The following GDF3 variants were observed in gnomAD, a reference collection of about 807,000 sequenced individuals.
GDF3 encodes the protein growth differentiation factor 3.
A neutral mutation model predicts 10.2 loss-of-function variants in GDF3; 10 were observed. That is an observed-to-expected ratio of 0.98 (90% CI 0.60 to 1.66). The LOEUF (loss-of-function observed/expected upper bound fraction) is 1.66, where lower values mean the gene tolerates loss of function less well. Ranked by LOEUF, GDF3 falls within the 40% of genes most tolerant of loss-of-function variation. GDF3 has a pLI of 0.00. For synonymous variants in GDF3, 166 were observed against 178.5 expected, an observed-to-expected ratio of 0.93 and a Z score of 0.56; for missense variants, 450 against 438.3, an observed-to-expected ratio of 1.03 and a Z score of -0.24.
intron 1 of GDF3, among the ~76,000 whole-genome samples, chr12:7,691,104 C>G (rs1256096786): frequency 6.7e-6 from 1 of 149,784 alleles, no homozygotes. Flanking sequence ...GAGCCGAGAT[C>G]GCGCCATTGC....
chr12:7,694,609 A>T (rs1275269941), intron 1 of GDF3, among the ~76,000 whole-genome samples: 3 of 147,438 alleles, frequency 2.0e-5, no homozygotes, highest in African/African-American at 7.4e-5. Flanking sequence ...TTTATCTTGT[A>T]TTCTCAAGGC....
At chr12:7,690,765 A>G in intron 1 of GDF3, 61 bp from the exon 2 acceptor site, 2 of 943,334 alleles carry the variant, frequency 2.1e-6, no homozygotes, top group Non-Finnish European at 3.5e-6. Flanking sequence ...ATCCACCTAT[A>G]TAATAGAAAT....
chr12:7,691,487 G>T (rs1318958444), intron 1 of GDF3, among the ~76,000 whole-genome samples: 1 of 147,094 alleles, frequency 6.8e-6, no homozygotes. Context: ...TGGGAGATTT[G>T]CTTGAGGCCA....
rs768190600 is a variant in GDF3, at chr12:7,690,124, A to C, written c.849T>G (p.Ile283Met). The change falls in exon 2 of 2, where the codon ATT (isoleucine) becomes ATG (methionine). Residue 283 changes from isoleucine to methionine, a missense_variant. Ile to Met is a conservative substitution (Grantham distance 10). Transcript: ENST00000329913. ...AATTTGCCATGAACCCCTTGGGGGC[A>C]ATGATCCACTTGTGCCAACCCAGGT... is the stretch of plus-strand genomic sequence containing the variant. ...FRDLGWHKWI[I>M]APKGFMANYC... 1.2e-6 allele frequency: 2 copies of C among 1,614,098 alleles called. No homozygotes were observed. Among genetic ancestry groups the C allele is most frequent in the Non-Finnish European group, 1.7e-6 (2 of 1,180,008 alleles).
Position 7,690,576 on chromosome 12 carries a change from G to A in GDF3, c.397C>T (p.Pro133Ser). Residue 133 changes from proline (P) to serine (S), a missense_variant, in exon 2 of 2, where the codon CCC becomes TCC. Coordinates refer to ENST00000329913, the MANE Select transcript of GDF3 (RefSeq NM_020634.3). ...GGTCCCAGGTTATAGTAAGAATTGGGCCCCAAGTCCAGGCCCAGCTGGGCC... is the reference window on the plus strand; with the variant it reads ...GGTCCCAGGTTATAGTAAGAATTGGACCCCAAGTCCAGGCCCAGCTGGGCC... ...TLAQLGLDLG[P>S]NSYYNLGPEL... is the part of the protein sequence containing the mutation. 2 of 1,605,316 alleles carry A rather than the reference G, an allele frequency of 1.2e-6. No homozygotes were observed. Among genetic ancestry groups the A allele is most frequent in the Non-Finnish European group, 1.7e-6 (2 of 1,175,754 alleles).
At chr12:7,691,018 C>T (rs1005252015) in intron 1 of GDF3, among the ~76,000 whole-genome samples, 15 of 151,864 alleles carry the variant, frequency 9.9e-5, no homozygotes, top group South Asian at 2.1e-4. Context: ...GGCGTGGTGG[C>T]GGGCGCCTGT....
In GDF3 at chr12:7,690,553, T is replaced by C. The variant is rs1438692784; in HGVS notation, c.420A>G (p.Gly140=). ...DLGPNSYYNL[G]PELELALFLV... ...GGAACAGAGCCAGTTCCAGCTCTGGTCCCAGGTTATAGTAAGAATTGGGCC... is the reference window on the plus strand; with the variant it reads ...GGAACAGAGCCAGTTCCAGCTCTGGCCCCAGGTTATAGTAAGAATTGGGCC... The change falls in exon 2 of 2, where the codon GGA becomes GGG. Residue 140 remains glycine, a synonymous_variant. Coordinates refer to ENST00000329913, the MANE Select transcript of GDF3 (RefSeq NM_020634.3). 2 of 1,608,252 alleles carry C rather than the reference T, an allele frequency of 1.2e-6. No homozygotes were observed. The highest frequency in any genetic ancestry group is 1.7e-6 in the Non-Finnish European group (2 of 1,176,658).
chr12:7,695,366 C>CA (rs1170702733), intron 1 of GDF3, 95 bp downstream of exon 1: 1 of 1,134,042 alleles, frequency 8.8e-7, no homozygotes, highest in Non-Finnish European at 1.3e-6. Context: ...AATACCAGCA[C>CA]AAGGCCATCA....
Position 7,690,529 on chromosome 12 carries a change from G to A in GDF3, c.444C>T (p.Phe148=), listed in dbSNP as rs1252597994. 4 of 1,611,310 alleles carry A rather than the reference G, an allele frequency of 2.5e-6. No individual in the cohort carries two copies. The highest frequency in any genetic ancestry group is 2.7e-5 in the African/African-American group (2 of 74,910). ...NLGPELELAL[F]LVQEPHVWGQ... is the part of the protein sequence containing the mutation. ...CCCACACATGAGGCTCCTGAACCAG[G>A]AACAGAGCCAGTTCCAGCTCTGGTC... The change falls in exon 2 of 2, where the codon TTC becomes TTT. Residue 148 remains phenylalanine, a synonymous_variant. Transcript: ENST00000329913.
chr12:7,690,062 G>C lies in GDF3; in HGVS notation c.911C>G (p.Ser304Cys). The C allele has an allele frequency of 6.2e-7, 1 of 1,614,182 alleles. No individual in the cohort carries two copies. Among genetic ancestry groups the C allele is most frequent in the Non-Finnish European group, 8.5e-7 (1 of 1,180,034 alleles). ...HGECPFSLTI[S>C]LNSSNYAFMQ... ...GAAAGCATAATTGGAGCTGTTGAGAGAGATGGTCAGTGAGAAGGGACACTC... is the reference window on the plus strand; with the variant it reads ...GAAAGCATAATTGGAGCTGTTGAGACAGATGGTCAGTGAGAAGGGACACTC... The change falls in exon 2 of 2, where the codon TCT (serine) becomes TGT (cysteine). Residue 304 changes from serine (S) to cysteine (C), a missense_variant. Ser to Cys is a moderately radical substitution (Grantham distance 112). Transcript: ENST00000329913.
intron 1 of GDF3, among the ~76,000 whole-genome samples, chr12:7,693,679 G>T (rs1245136400): frequency 1.3e-5 from 2 of 151,832 alleles, no homozygotes; most frequent in African/African-American, 4.8e-5. Context: ...GGGCATGGTG[G>T]CTCATGCCTA....
rs1474421360 is a variant in GDF3, at chr12:7,689,997, G to A, written c.976C>T (p.Gln326Ter). 6.2e-7 allele frequency: 1 copy of A among 1,613,648 alleles called. No homozygotes were observed. The highest frequency in any genetic ancestry group is 1.7e-5 in the Admixed American group (1 of 59,980). The part of the protein sequence containing the change: ...LMHAVDPEIP[Q>*]AVCIPTKLSP... ...AGCTTGGTGGGGATACACACAGCCT[G>A]GGGGATCTCTGGGTCAACGGCATGC... is the stretch of plus-strand genomic sequence containing the variant. The change falls in exon 2 of 2, where the codon CAG becomes TAG. Residue 326 changes from glutamine to a stop codon, truncating the protein, a stop_gained. Coordinates refer to ENST00000329913, the MANE Select transcript of GDF3 (RefSeq NM_020634.3). LOFTEE classifies it low-confidence loss of function (END_TRUNC).
rs753885780 is a variant in GDF3, at chr12:7,690,704, C to T, written c.269G>A (p.Gly90Asp). The T allele has an allele frequency of 1.3e-6, 2 of 1,547,380 alleles. No individual in the cohort carries two copies. Among genetic ancestry groups the T allele is most frequent in the Non-Finnish European group, 1.8e-6 (2 of 1,119,586 alleles). The change falls in exon 2 of 2, where the codon GGT becomes GAT. Residue 90 changes from glycine (G) to aspartate (D), a missense_variant and splice_region_variant. Gly to Asp is a moderately conservative substitution (Grantham distance 94). Transcript: ENST00000329913. ...AATTTTCTTTGGGTAAAGAAAGAAA[C>T]CTAGATGGGAAAAGAGACATGTCAG... ...GNVLRFLPDQ[G>D]FFLYPKKISQ...
Position 7,695,540 on chromosome 12 carries a change from G to A in GDF3, c.189C>T (p.Thr63=). The change falls in exon 1 of 2, where the codon ACC becomes ACT. Residue 63 remains threonine (T), a synonymous_variant. Coordinates refer to ENST00000329913, the MANE Select transcript of GDF3 (RefSeq NM_020634.3). ...KIFQDREAAA[T]TGVSRDLCYV... ...AGCATAAGTCTCGGGAGACCCCAGTGGTCGCTGCTGCCTCGCGATCCTGGA... is the reference window on the plus strand; with the variant it reads ...AGCATAAGTCTCGGGAGACCCCAGTAGTCGCTGCTGCCTCGCGATCCTGGA... 6.2e-6 allele frequency: 10 copies of A among 1,614,014 alleles called. No homozygotes were observed. Among genetic ancestry groups the A allele is most frequent in the Non-Finnish European group, 8.5e-6 (10 of 1,179,924 alleles).
At chr12:7,695,033 G>C (rs879636894) in intron 1 of GDF3, among the ~76,000 whole-genome samples, 5 of 152,108 alleles carry the variant, frequency 3.3e-5, no homozygotes, top group Admixed American at 6.6e-5. Flanking sequence ...CAGGACTCCT[G>C]GGCAAACCAA....
At chr12:7,692,378 C>T (rs962307464) in intron 1 of GDF3, among the ~76,000 whole-genome samples, 2 of 150,704 alleles carry the variant, frequency 1.3e-5, no homozygotes, top group South Asian at 2.1e-4. Flanking sequence ...TGTGGTGAGC[C>T]GATATCACAC....
intron 1 of GDF3, among the ~76,000 whole-genome samples, chr12:7,691,104 C>T (rs1256096786): frequency 2.7e-5 from 4 of 149,780 alleles, no homozygotes; most frequent in East Asian, 3.9e-4. Flanking sequence ...GAGCCGAGAT[C>T]GCGCCATTGC....
chr12:7,691,298 T>C (rs2136876195), intron 1 of GDF3, among the ~76,000 whole-genome samples: 1 of 152,320 alleles, frequency 6.6e-6, no homozygotes, highest in African/African-American at 2.4e-5. Context: ...AAATTTAGCA[T>C]TTCCTTCATT....
At chr12:7,692,287 G>A (rs749569199) in intron 1 of GDF3, among the ~76,000 whole-genome samples, 3 of 151,576 alleles carry the variant, frequency 2.0e-5, no homozygotes, top group East Asian at 2.0e-4. Flanking sequence ...AAAATTAGCC[G>A]GGCAGGGTGG....
Sources: gnomAD v4.1 joint callset for allele counts (sites outside exome capture counted in the v4.1 genomes callset) on GRCh38, gnomAD v4.1.1 for gene constraint, MANE v1.5 for transcripts, NCBI Gene and HGNC (gene_info 2026-07-23, HGNC 2026-07-21) for gene names.